The following CBX1 variants were observed in gnomAD, a reference collection of about 807,000 sequenced individuals.
CBX1 encodes chromobox 1, also known as chromobox protein homolog 1.
CBX1 carries 10 observed loss-of-function variants against 25.1 expected under a neutral mutation model. The ratio of observed to expected loss-of-function variants is 0.40; its 90% CI spans 0.25 to 0.68. CBX1 has a LOEUF of 0.68. Among genes scored for constraint, CBX1 ranks in the 30% least tolerant of loss-of-function variants. The pLI, the probability that CBX1 is intolerant of heterozygous loss-of-function variation, is 0.40. For missense variants in CBX1, 106 were observed against 218.5 expected (o/e 0.49, Z 3.25); for synonymous variants, 63 against 79.4 (o/e 0.79, Z 1.10).
chr17:48,072,840 A>T (rs2037638273), intron 4 of CBX1, among the ~76,000 whole-genome samples: 1 of 151,640 alleles, frequency 6.6e-6, no homozygotes, highest in African/African-American at 2.4e-5. Context: ...AATTAGGAGT[A>T]AACTCTTAGG....
intron 1 of CBX1, among the ~76,000 whole-genome samples, chr17:48,095,554 T>G (rs190484143): frequency 6.6e-6 from 1 of 151,908 alleles, no homozygotes; most frequent in African/African-American, 2.4e-5. Flanking sequence ...CAAAACTCCA[T>G]CTCAAAAAAA....
Position 48,070,384 on chromosome 17 carries a change from A to G in CBX1, c.*1051T>C, listed in dbSNP as rs1290823095. The G allele has an allele frequency of 6.6e-6, 1 of 152,668 alleles. No individual in the cohort carries two copies. Among genetic ancestry groups the G allele is most frequent in the Non-Finnish European group, 1.5e-5 (1 of 68,040 alleles). The allele number at this position is 152,668 out of a possible 1,614,324, so 9.5% of individuals were successfully genotyped here. ...ACTAAACTCTTGGATCAATTCAGTG[A>G]AACTTGTGCTGTCAGTGACTGAACC... On this transcript the variant is annotated 3_prime_UTR_variant, in exon 5 of 5. Coordinates refer to ENST00000225603, the MANE Select transcript of CBX1 (RefSeq NM_001127228.2).
At chr17:48,091,535 CTTTTTTTTTTTT>C (rs4053473) in intron 1 of CBX1, among the ~76,000 whole-genome samples, 70 of 72,176 alleles carry the variant, frequency 9.7e-4, no homozygotes, top group African/African-American at 3.2e-3. Flanking sequence ...CCACCATGCC[CTTTTTTTTTTTT>C]TTTTTTTTTT....
intron 1 of CBX1, among the ~76,000 whole-genome samples, chr17:48,077,445 G>GTTTTTTTTTT (rs796350669): frequency 1.9e-4 from 10 of 52,418 alleles, no homozygotes; most frequent in East Asian, 2.6e-3. Context: ...TTTTTTTTTT[G>GTTTTTTTTTT]TTTTTTTTGT....
At chr17:48,092,522 T>C (rs890824006) in intron 1 of CBX1, among the ~76,000 whole-genome samples, 16 of 150,740 alleles carry the variant, frequency 1.1e-4, no homozygotes, top group Admixed American at 7.9e-4. Context: ...AGTGCAGCTA[T>C]CTTGGCTCAC....
intron 1 of CBX1, among the ~76,000 whole-genome samples, chr17:48,088,470 T>A (rs1478818641): frequency 6.6e-6 from 1 of 151,690 alleles, no homozygotes; most frequent in African/African-American, 2.4e-5. Context: ...AATACAAAAA[T>A]TAGCCGGGCG....
intron 3 of CBX1, among the ~76,000 whole-genome samples, chr17:48,075,372 T>G (rs2037665130): frequency 6.6e-6 from 1 of 152,052 alleles, no homozygotes; most frequent in African/African-American, 2.4e-5. Flanking sequence ...TTTTTGTATT[T>G]TTAGTAGAGA....
At chr17:48,085,861 G>A (rs1400902847) in intron 1 of CBX1, among the ~76,000 whole-genome samples, 1 of 152,128 alleles carries the variant, frequency 6.6e-6, no homozygotes, top group Admixed American at 6.6e-5. Flanking sequence ...AAGGTCAGGA[G>A]TTCAAGAAAA....
intron 4 of CBX1, among the ~76,000 whole-genome samples, chr17:48,072,926 A>C (rs1237520237): frequency 1.3e-5 from 2 of 152,158 alleles, no homozygotes; most frequent in African/African-American, 4.8e-5. Flanking sequence ...GTTCAAGACC[A>C]GCCTGGTCAA....
chr17:48,097,161 G>A (rs1299656752), intron 1 of CBX1, among the ~76,000 whole-genome samples: 1 of 151,994 alleles, frequency 6.6e-6, no homozygotes, highest in Non-Finnish European at 1.5e-5. Context: ...GCCTGAGGCA[G>A]GAGAATCACT....
At chr17:48,100,796 C>T (rs2063404810) in intron 1 of CBX1, 7 of 985,560 alleles carry the variant, frequency 7.1e-6, no homozygotes, top group Non-Finnish European at 8.4e-6. Context: ...CTCGACGTTA[C>T]TCCTCCGTAG....
intron 4 of CBX1, among the ~76,000 whole-genome samples, chr17:48,073,823 T>TAAAAAAAAAAAAA (rs2037648864): frequency 4.2e-5 from 1 of 23,724 alleles, no homozygotes; most frequent in Non-Finnish European, 6.5e-5. Flanking sequence ...TGAGACTGTC[T>TAAAAAAAAAAAAA]CAAAAAAAAA....
intron 2 of CBX1, among the ~76,000 whole-genome samples, chr17:48,076,413 A>C (rs968109926): frequency 2.0e-5 from 3 of 152,210 alleles, no homozygotes; most frequent in African/African-American, 4.8e-5. Flanking sequence ...GTTTCTCAGC[A>C]ATCACTATGG....
At chr17:48,100,851 G>A in intron 1 of CBX1, 5 of 985,684 alleles carry the variant, frequency 5.1e-6, no homozygotes, top group Non-Finnish European at 4.8e-6. Flanking sequence ...CGGACCCGGC[G>A]TCTTCCGAAT....
chr17:48,070,168 G>A lies in CBX1; in HGVS notation c.*1267C>T, dbSNP rs1447745037. On this transcript the variant is annotated 3_prime_UTR_variant, in exon 5 of 5. Coordinates refer to ENST00000225603, the MANE Select transcript of CBX1 (RefSeq NM_001127228.2). Reference sequence around the variant, plus strand: ...CACATGCCTAAAAGAATTTTACAACGTAGCTCTAGATGCAAGTCTAGACAA... The same window carrying A: ...CACATGCCTAAAAGAATTTTACAACATAGCTCTAGATGCAAGTCTAGACAA... The A allele has an allele frequency of 1.3e-5, 2 of 152,608 alleles. No individual in the cohort carries two copies. Among genetic ancestry groups the A allele is most frequent in the East Asian group, 1.9e-4 (1 of 5,200 alleles). 9.5% of individuals were successfully genotyped at this position (152,608 alleles called of 1,614,324 possible).
chr17:48,076,580 A>G (rs536479129), intron 2 of CBX1, among the ~76,000 whole-genome samples: 295 of 152,258 alleles, frequency 1.9e-3, no homozygotes, highest in Admixed American at 3.1e-3. Context: ...CTGAGGTGGG[A>G]GGATACCTTG....
intron 1 of CBX1, chr17:48,095,804 T>C (rs747670427): frequency 2.6e-5 from 4 of 152,246 alleles, no homozygotes; most frequent in African/African-American, 4.8e-5. Flanking sequence ...GCTGTGGCTG[T>C]TTGCGAAGCA....
At chr17:48,084,637 A>C (rs1030602717) in intron 1 of CBX1, among the ~76,000 whole-genome samples, 1 of 146,714 alleles carries the variant, frequency 6.8e-6, no homozygotes, top group East Asian at 2.2e-4. Context: ...CCGGCCGGGC[A>C]TGGTGGCTCA....
chr17:48,098,287 AAACT>A lies in CBX1; in HGVS notation c.-38+2977_-38+2980del, dbSNP rs751430534. Among the ~76,000 whole-genome samples the A allele has an allele frequency of 3.6e-4, 55 of 152,274 alleles. 1 individual carries two copies. The highest frequency in any genetic ancestry group is 1.3e-3 in the Admixed American group (20 of 15,284). ...AACAAACAAACAAACAAACAAAAAG[AAACT>A]AACTGAGGCTAAGACAAACATGGCA... is the stretch of plus-strand genomic sequence containing the variant. On this transcript the variant is annotated intron_variant, in intron 1 of 4. Transcript: ENST00000225603.
Sources: gnomAD v4.1 joint callset for allele counts (sites outside exome capture counted in the v4.1 genomes callset) on GRCh38, gnomAD v4.1.1 for gene constraint, MANE v1.5 for transcripts, NCBI Gene and HGNC (gene_info 2026-07-23, HGNC 2026-07-21) for gene names.